MFSD1: variants seen among roughly 807,000 people sequenced by gnomAD.
MFSD1 encodes the protein lysosomal dipeptide transporter MFSD1.
Under a neutral mutation model 67.1 loss-of-function variants are expected in MFSD1, and 59 were observed. The observed-to-expected ratio is 0.88, with a 90% CI of 0.71 to 1.09. The LOEUF is 1.09. Ranked by LOEUF, MFSD1 falls within the 50% of genes least tolerant of loss-of-function variation. The pLI is 0.00. For missense variants in MFSD1, 552 were observed against 566.1 expected (o/e 0.97, Z 0.25); for synonymous variants, 213 against 200.3 (o/e 1.06, Z -0.54).
In MFSD1 at chr3:158,807,031, C is replaced by G; in HGVS notation, c.330-9C>G. The G allele has an allele frequency of 1.9e-6, 3 of 1,600,754 alleles. No individual in the cohort carries two copies. Among genetic ancestry groups the G allele is most frequent in the Non-Finnish European group, 2.6e-6 (3 of 1,173,544 alleles). The stretch of plus-strand genomic sequence containing the variant: ...TTTTTCTCATTCTCATTCTTTCTTT[C>G]CCAAACAGATGGGGCACAATCATTT... On this transcript the variant is annotated splice_polypyrimidine_tract_variant and intron_variant, in intron 3 of 15. Transcript: ENST00000415822.
Position 158,820,234 on chromosome 3 carries a change from T to C in MFSD1, c.771T>C (p.Thr257=), listed in dbSNP as rs766070409. The change falls in exon 9 of 16, where the codon ACT becomes ACC. Residue 257 remains threonine, a synonymous_variant. Coordinates refer to ENST00000415822, the MANE Select transcript of MFSD1 (RefSeq NM_022736.4). ...QGKTGEVIKL[T]DVKDFSLPLW... ...TCTAAGGTGAAGTTATTAAATTAAC[T>C]GATGTAAAGGACTTCTCCTTACCCC... 3 of 1,602,722 alleles carry C rather than the reference T, an allele frequency of 1.9e-6. No individual in the cohort carries two copies. The highest frequency in any genetic ancestry group is 2.2e-5 in the South Asian group (2 of 90,618).
intron 15 of MFSD1, among the ~76,000 whole-genome samples, chr3:158,827,939 AGAGG>A (rs746024724): frequency 6.1e-5 from 2 of 32,808 alleles, no homozygotes; most frequent in Admixed American, 3.3e-4. Context: ...AGAGAGAGAG[AGAGG>A]GGGAGAGAGA....
chr3:158,802,866 T>TTTA (rs1044660919), intron 1 of MFSD1, among the ~76,000 whole-genome samples: 2 of 152,150 alleles, frequency 1.3e-5, no homozygotes, highest in African/African-American at 4.8e-5. Context: ...CACACCCGGC[T>TTTA]TTATTATTAT....
chr3:158,826,011 C>T lies in MFSD1; in HGVS notation c.1289-4C>T. On this transcript the variant is annotated splice_polypyrimidine_tract_variant and splice_region_variant and intron_variant, in intron 13 of 15. Coordinates refer to ENST00000415822, the MANE Select transcript of MFSD1 (RefSeq NM_022736.4). ...TTAAGGGCCCTATGTTTTTTCACTCCTAGTGTCACTTTTATCTGTGGTCTT... is the reference window on the plus strand; with the variant it reads ...TTAAGGGCCCTATGTTTTTTCACTCTTAGTGTCACTTTTATCTGTGGTCTT... 1 of 1,611,698 alleles carries T rather than the reference C, an allele frequency of 6.2e-7. No homozygotes were observed. The highest frequency in any genetic ancestry group is 1.1e-5 in the South Asian group (1 of 91,018).
At chr3:158,824,359 G>T (rs983696314) in intron 13 of MFSD1, 123 bp downstream of exon 13, 1 of 704,916 alleles carries the variant, frequency 1.4e-6, no homozygotes, top group African/African-American at 1.8e-5. Flanking sequence ...TTCATAGCTG[G>T]TGACTTTCTA....
chr3:158,805,000 T>C (rs1244400012), intron 2 of MFSD1, among the ~76,000 whole-genome samples: 2 of 152,276 alleles, frequency 1.3e-5, no homozygotes, highest in East Asian at 3.9e-4. Flanking sequence ...AGGGATAGGC[T>C]AAGATTATCC....
At chr3:158,802,392 T>A (rs1576893590) in intron 1 of MFSD1, 77 bp downstream of exon 1, 2 of 1,518,946 alleles carry the variant, frequency 1.3e-6, no homozygotes, top group East Asian at 4.5e-5. Context: ...GTCATCGTGG[T>A]CACTGGTGCC....
At chr3:158,808,535 C>T (rs1270867682) in intron 5 of MFSD1, among the ~76,000 whole-genome samples, 1 of 152,100 alleles carries the variant, frequency 6.6e-6, no homozygotes, top group East Asian at 1.9e-4. Context: ...AAGCATGGAC[C>T]ACTTTTCCCA....
At chr3:158,818,178 C>T (rs1730476569) in intron 7 of MFSD1, among the ~76,000 whole-genome samples, 1 of 152,204 alleles carries the variant, frequency 6.6e-6, no homozygotes, top group Admixed American at 6.5e-5. Context: ...GGTGAAAGTT[C>T]TGTGCCCAAG....
At chr3:158,809,693 G>A (rs1475555779) in intron 6 of MFSD1, among the ~76,000 whole-genome samples, 2 of 152,124 alleles carry the variant, frequency 1.3e-5, no homozygotes, top group South Asian at 2.1e-4. Context: ...TTTATGAAGC[G>A]TAACCTCACA....
chr3:158,802,143 TG>T lies in MFSD1; in HGVS notation c.-9del. The T allele has an allele frequency of 6.2e-7, 1 of 1,612,358 alleles. No individual in the cohort carries two copies. The highest frequency in any genetic ancestry group is 8.5e-7 in the Non-Finnish European group (1 of 1,179,630). ...TCACCACTTTCCCCTCTCCGTCTCCTGCGGGCGCAATGGAGGAGGAGGATGA... is the reference window on the plus strand; with the variant it reads ...TCACCACTTTCCCCTCTCCGTCTCCTCGGGCGCAATGGAGGAGGAGGATGA... On this transcript the variant is annotated 5_prime_UTR_variant, in exon 1 of 16. Transcript: ENST00000415822.
At chr3:158,827,632 T>A (rs1213989872) in intron 15 of MFSD1, among the ~76,000 whole-genome samples, 2 of 151,974 alleles carry the variant, frequency 1.3e-5, no homozygotes, top group Non-Finnish European at 2.9e-5. Context: ...CCCAGGCTGG[T>A]CTAGAACTCC....
chr3:158,824,065 T>A (rs1423230603), intron 12 of MFSD1, 59 bp from the exon 13 acceptor site: 5 of 1,141,454 alleles, frequency 4.4e-6, no homozygotes, highest in Middle Eastern at 4.0e-4. Flanking sequence ...AGTGAAGTGT[T>A]AGCCTATGTG....
rs1008905365 is a variant in MFSD1, at chr3:158,805,419, A to G, written c.274A>G (p.Asn92Asp). ...GCTGTATGCCTGGTATTCTTGGCCC[A>G]ATGTAGTTTTGTGTTTCTTTGGTGG... ...MLLYAWYSWPNVVLCFFGGFL... is the reference protein window; with the variant it reads ...MLLYAWYSWPDVVLCFFGGFL... The change falls in exon 3 of 16, where the codon AAT (asparagine) becomes GAT (aspartate). Residue 92 changes from asparagine to aspartate, a missense_variant. Transcript: ENST00000415822. 14 of 1,613,960 alleles carry G rather than the reference A, an allele frequency of 8.7e-6. No homozygotes were observed. In the Admixed American group the frequency reaches 2.0e-4, roughly 23 times the overall value.
chr3:158,809,146 A>G, intron 5 of MFSD1, 33 bp from the exon 6 acceptor site: 1 of 1,417,458 alleles, frequency 7.1e-7, no homozygotes, highest in South Asian at 1.3e-5. Flanking sequence ...TAAAGTTGTG[A>G]CTTCTGGTTT....
chr3:158,808,946 G>C, intron 5 of MFSD1: 1 of 399,470 alleles, frequency 2.5e-6, no homozygotes, highest in Non-Finnish European at 4.5e-6. Context: ...TGCGAGTGTC[G>C]GAGTGAAAAG....
At chr3:158,802,694 A>G (rs2713736) in intron 1 of MFSD1, 286,405 of 412,836 alleles carry the variant, frequency 0.69, 102,093 homozygotes, top group African/African-American at 0.89. Flanking sequence ...GTTCCTAAAC[A>G]ACTTTTGTTT....
chr3:158,826,038 C>T lies in MFSD1; in HGVS notation c.1312C>T (p.Leu438Phe), dbSNP rs778091517. ...VSLSLLSVVL[L>F]YLVNRAQGGN... ...AGTGTCACTTTTATCTGTGGTCTTA[C>T]TCTATTTGGTGAATCGTGCCCAGGG... The change falls in exon 14 of 16, where the codon CTC (leucine) becomes TTC (phenylalanine). Residue 438 changes from leucine to phenylalanine, a missense_variant. Physicochemically the swap from Leu to Phe is conservative, Grantham distance 22. Coordinates refer to ENST00000415822, the MANE Select transcript of MFSD1 (RefSeq NM_022736.4). 6 of 1,613,424 alleles carry T rather than the reference C, an allele frequency of 3.7e-6. No homozygotes were observed. The highest frequency in any genetic ancestry group is 1.1e-5 in the South Asian group (1 of 91,060).
intron 6 of MFSD1, among the ~76,000 whole-genome samples, chr3:158,810,469 TA>T (rs1224385054): frequency 6.6e-6 from 1 of 152,248 alleles, no homozygotes; most frequent in Non-Finnish European, 1.5e-5. Flanking sequence ...TATTTTCATA[TA>T]ATACTTCATC....
Sources: gnomAD v4.1 joint callset for allele counts (sites outside exome capture counted in the v4.1 genomes callset) on GRCh38, gnomAD v4.1.1 for gene constraint, MANE v1.5 for transcripts, NCBI Gene and HGNC (gene_info 2026-07-23, HGNC 2026-07-21) for gene names.